The following CCDC57 variants were observed in gnomAD, a reference collection of about 807,000 sequenced individuals.
CCDC57 encodes coiled-coil domain-containing protein 57.
CCDC57 carries 118 observed loss-of-function variants against 118.9 expected under a neutral mutation model. That is an observed-to-expected ratio of 0.99 (90% CI 0.86 to 1.16). The LOEUF (loss-of-function observed/expected upper bound fraction) is 1.16, where lower values mean the gene tolerates loss of function less well. Ranked by LOEUF, CCDC57 falls within the 50% of genes most tolerant of loss-of-function variation. The probability of loss-of-function intolerance (pLI) is 0.00; values close to 1 mark genes in which losing one functional copy is unlikely to be tolerated. For synonymous variants in CCDC57, 527 were observed against 532.9 expected (o/e 0.99, Z 0.15); for missense variants, 1,300 against 1,320.7 (o/e 0.98, Z 0.24).
At chr17:82,209,484 G>C (rs902029202) in intron 1 of CCDC57, among the ~76,000 whole-genome samples, 1 of 151,896 alleles carries the variant, frequency 6.6e-6, no homozygotes, top group Admixed American at 6.6e-5. Flanking sequence ...AGGTTTTTTT[G>C]GTGTTTGTTG....
At chr17:82,209,485 G>T (rs2050021341) in intron 1 of CCDC57, among the ~76,000 whole-genome samples, 1 of 151,914 alleles carries the variant, frequency 6.6e-6, no homozygotes, top group Non-Finnish European at 1.5e-5. Context: ...GGTTTTTTTG[G>T]TGTTTGTTGT....
intron 16 of CCDC57, among the ~76,000 whole-genome samples, chr17:82,150,821 G>A (rs1246799684): frequency 1.1e-5 from 1 of 87,312 alleles, no homozygotes; most frequent in Non-Finnish European, 2.2e-5. Context: ...AGAACCAGGC[G>A]CACACTCAGA....
chr17:82,113,120 CAAG>C (rs2035410063), intron 19 of CCDC57: 1 of 479,406 alleles, frequency 2.1e-6, no homozygotes, highest in Non-Finnish European at 3.7e-6. Flanking sequence ...ACTACAATTT[CAAG>C]AAAAGAGCTA....
intron 11 of CCDC57, chr17:82,175,439 G>C (rs2045344076): frequency 6.6e-6 from 1 of 152,256 alleles, no homozygotes; most frequent in South Asian, 2.1e-4. Context: ...AACTGCTCAG[G>C]GCAAACCTGC....
chr17:82,198,402 T>C (rs750705667), exon 4 of CCDC57: 1 of 1,610,834 alleles, frequency 6.2e-7, no homozygotes, highest in Admixed American at 1.7e-5. Context: ...CCGGTGGTGG[T>C]CAATCTCACC....
At chr17:82,114,113 A>T (rs2035537052) in intron 19 of CCDC57, among the ~76,000 whole-genome samples, 1 of 152,170 alleles carries the variant, frequency 6.6e-6, no homozygotes, top group South Asian at 2.1e-4. Flanking sequence ...GACGCCACAG[A>T]TGGAAGAGTG....
rs55941734 is a variant in CCDC57 at position 82,212,397 on chromosome 17, C to CT, written c.-211+387dup. 7.6e-3 allele frequency among the ~76,000 whole-genome samples: 1,031 copies of CT among 135,096 alleles called. 5 individuals are homozygous for CT. Among genetic ancestry groups the CT allele is most frequent in the African/African-American group, 0.014 (466 of 33,490 alleles). The allele number at this position is 135,096 out of a possible 152,430, so 88.6% of individuals were successfully genotyped here. On this transcript the variant is annotated intron_variant, in intron 1 of 19. Coordinates refer to ENST00000665763, the Ensembl canonical transcript of CCDC57. The surrounding 1 kb of genome is among the most constrained non-coding windows in gnomAD (Gnocchi z 4.1). ...CGCCTCCGGCCTTTTTTTTTCCTCTCTTTTTTTTTTTTTTTTTTTAAACTC... is the reference window on the plus strand; with the variant it reads ...CGCCTCCGGCCTTTTTTTTTCCTCTCTTTTTTTTTTTTTTTTTTTTAAACTC...
chr17:82,109,276 G>A (rs2035081499), intron 19 of CCDC57, among the ~76,000 whole-genome samples: 2 of 152,254 alleles, frequency 1.3e-5, no homozygotes, highest in Admixed American at 6.5e-5. Flanking sequence ...AGAGCGGGGC[G>A]TGTGGAGCGC....
intron 16 of CCDC57, among the ~76,000 whole-genome samples, chr17:82,142,563 C>T (rs922235563): frequency 3.3e-5 from 5 of 152,152 alleles, no homozygotes; most frequent in East Asian, 1.9e-4. Context: ...CTGCCTGCCT[C>T]AGCCTCCCAA....
At chr17:82,108,299 C>G (rs2035008156) in intron 19 of CCDC57, among the ~76,000 whole-genome samples, 1 of 152,208 alleles carries the variant, frequency 6.6e-6, no homozygotes, top group Non-Finnish European at 1.5e-5. Flanking sequence ...GACCTGTGAT[C>G]CCACCCCTGA....
At chr17:82,198,992 CAA>C (rs34649384) in intron 3 of CCDC57, among the ~76,000 whole-genome samples, 104 of 87,542 alleles carry the variant, frequency 1.2e-3, no homozygotes, top group African/African-American at 2.3e-3. Context: ...GACTCCATCT[CAA>C]AAAAAAAAAA....
intron 2 of CCDC57, among the ~76,000 whole-genome samples, chr17:82,203,806 G>C (rs1243274081): frequency 1.3e-5 from 2 of 152,226 alleles, no homozygotes; most frequent in African/African-American, 4.8e-5. Context: ...CAAACTTCCG[G>C]CCTGGTGGGA....
chr17:82,126,135 C>A (rs2037396390), intron 19 of CCDC57, among the ~76,000 whole-genome samples: 1 of 151,914 alleles, frequency 6.6e-6, no homozygotes, highest in Non-Finnish European at 1.5e-5. Flanking sequence ...ACAAAATTAG[C>A]CTGGAGTGGT....
rs550033060 is a variant in CCDC57 at position 82,158,294 on chromosome 17, TAGG to T, written c.2041-349_2041-347del. ...GGCCTCCAGAATTGCAAGTAACCGG[TAGG>T]AGGTGTTGATTTTTCTTTTCTGCTA... On this transcript the variant is annotated intron_variant, in intron 14 of 19. Transcript: ENST00000665763. Among the ~76,000 whole-genome samples, 853 of 152,026 alleles carry T rather than the reference TAGG, an allele frequency of 5.6e-3. 2 individuals carry two copies. The highest frequency in any genetic ancestry group is 8.7e-3 in the Non-Finnish European group (591 of 67,954).
intron 19 of CCDC57, among the ~76,000 whole-genome samples, chr17:82,114,561 A>G (rs955006957): frequency 6.6e-6 from 1 of 152,206 alleles, no homozygotes; most frequent in African/African-American, 2.4e-5. Flanking sequence ...CTCGGCGCCC[A>G]CTGGCTCCTG....
At chr17:82,129,980 T>C (rs1862800275) in intron 17 of CCDC57, among the ~76,000 whole-genome samples, 1 of 152,000 alleles carries the variant, frequency 6.6e-6, no homozygotes, top group Admixed American at 6.6e-5. Flanking sequence ...AAGAATCCCT[T>C]GACTCCAGGA....
intron 11 of CCDC57, among the ~76,000 whole-genome samples, chr17:82,176,473 C>T (rs1261502881): frequency 6.6e-6 from 1 of 152,224 alleles, no homozygotes; most frequent in Non-Finnish European, 1.5e-5. Flanking sequence ...TGATGCACCG[C>T]TACCTTTCTA....
chr17:82,191,612 T>G (rs1468374209), intron 7 of CCDC57, among the ~76,000 whole-genome samples: 1 of 152,072 alleles, frequency 6.6e-6, no homozygotes, highest in Non-Finnish European at 1.5e-5. Context: ...GTGAAGATGA[T>G]GAGGATGAAG....
intron 11 of CCDC57, among the ~76,000 whole-genome samples, chr17:82,175,311 G>T (rs2045327164): frequency 6.6e-6 from 1 of 152,260 alleles, no homozygotes; most frequent in South Asian, 2.1e-4. Flanking sequence ...CGCGCTGAGG[G>T]TGCTGGCTGC....
Sources: allele counts gnomAD v4.1 joint callset (sites outside exome capture counted in the v4.1 genomes callset), GRCh38; gene constraint gnomAD v4.1.1; non-coding constraint Gnocchi (gnomAD v3.1); transcripts MANE v1.5; gene names NCBI Gene and HGNC (gene_info 2026-07-23, HGNC 2026-07-21).